Variants in RILPL1 observed in about 807,000 individuals in gnomAD.
The protein encoded by RILPL1 is Rab interacting lysosomal protein like 1, also known as RILP-like protein 1.
RILPL1 carries 33 observed loss-of-function variants against 50.3 expected under a neutral mutation model. That is an observed-to-expected ratio of 0.66 (90% CI 0.50 to 0.88). The LOEUF (loss-of-function observed/expected upper bound fraction) is 0.88. Among genes scored for constraint, RILPL1 ranks in the 40% least tolerant of loss-of-function variants. RILPL1 has a pLI of 0.00. For missense variants in RILPL1, 418 were observed against 542.5 expected, an observed-to-expected ratio of 0.77 and a Z score of 2.28; for synonymous variants, 205 against 228.6, an observed-to-expected ratio of 0.90 and a Z score of 0.93.
At position 123,476,707 on chromosome 12, in the gene RILPL1, T is replaced by A. The variant is rs1201360025; in HGVS notation, c.1068-4025A>T. On this transcript the variant is annotated intron_variant, in intron 6 of 6. Coordinates refer to ENST00000376874, the MANE Select transcript of RILPL1 (RefSeq NM_178314.5). The stretch of plus-strand genomic sequence containing the variant: ...CTCCCTTACAGTCCGAAGAAGGAGC[T>A]GACCCTGCTGACGCCTTTATCGTGG... Among the ~76,000 whole-genome samples, 6 of 152,016 alleles carry A rather than the reference T, an allele frequency of 3.9e-5. No homozygotes were observed. In the East Asian group the frequency reaches 9.6e-4, roughly 24 times the overall value.
chr12:123,511,726 TGTGTGTGTG>T (rs1304927938), intron 2 of RILPL1, among the ~76,000 whole-genome samples: 3 of 133,690 alleles, frequency 2.2e-5, no homozygotes, highest in Admixed American at 7.7e-5. Flanking sequence ...GTGTGAGGTT[TGTGTGTGTG>T]GTGTGTGTGA....
chr12:123,485,363 A>C lies in RILPL1; in HGVS notation c.974+270T>G. On this transcript the variant is annotated intron_variant, in intron 5 of 6. Transcript: ENST00000376874. The surrounding 1 kb of genome is among the most constrained non-coding windows in gnomAD (Gnocchi z 4.0). ...GAGGTCTCGCTTTGTTGCCCAGGCTAGTCTCGAATGCCTGGGATCAAGCAA... is the reference window on the plus strand; with the variant it reads ...GAGGTCTCGCTTTGTTGCCCAGGCTCGTCTCGAATGCCTGGGATCAAGCAA... 5.8e-6 allele frequency: 3 copies of C among 520,996 alleles called. No homozygotes were observed. Among genetic ancestry groups the C allele is most frequent in the Non-Finnish European group, 7.1e-6 (2 of 282,210 alleles). The allele number at this position is 520,996 out of a possible 1,614,324, so 32.3% of individuals were successfully genotyped here.
intron 2 of RILPL1, among the ~76,000 whole-genome samples, chr12:123,517,424 G>GTT (rs59944903): frequency 2.3e-4 from 30 of 131,924 alleles, no homozygotes; most frequent in South Asian, 5.0e-4. Context: ...TGTTGTTATT[G>GTT]TTTTTTTTTT....
Position 123,485,144 on chromosome 12 carries a change from T to A in RILPL1, c.974+489A>T. On this transcript the variant is annotated intron_variant, in intron 5 of 6. Transcript: ENST00000376874. The surrounding 1 kb of genome is among the most constrained non-coding windows in gnomAD (Gnocchi z 4.0). The stretch of plus-strand genomic sequence containing the variant: ...TGCACCTACTGTGTGCCAAGCTCCA[T>A]TCTAAGTGCTGGGAACTTAGCCATG... The A allele has an allele frequency of 2.2e-6, 1 of 456,298 alleles. No homozygotes were observed. Among genetic ancestry groups the A allele is most frequent in the Non-Finnish European group, 4.4e-6 (1 of 227,004 alleles). The allele number at this position is 456,298 out of a possible 1,614,324, so 28.3% of individuals were successfully genotyped here.
rs1885528383 is a variant in RILPL1 at position 123,533,554 on chromosome 12, G to A, written c.-72C>T. 24 of 1,318,734 alleles carry A rather than the reference G, an allele frequency of 1.8e-5. No individual in the cohort carries two copies. The highest frequency in any genetic ancestry group is 2.4e-5 in the Non-Finnish European group (24 of 1,013,276). 81.7% of individuals were successfully genotyped at this position (1,318,734 alleles called of 1,614,324 possible). ...CCAAACTTGCCGCTGTCGAGGGCCG[G>A]GCCGGCCGGGCCCAGCCTGGGCCGC... On this transcript the variant is annotated 5_prime_UTR_variant, in exon 1 of 7. Coordinates refer to ENST00000376874, the MANE Select transcript of RILPL1 (RefSeq NM_178314.5). This position sits in a 1 kb window ranked among gnomAD's most constrained non-coding sequence, Gnocchi z 6.2.
intron 2 of RILPL1, among the ~76,000 whole-genome samples, chr12:123,502,691 T>C (rs1039400368): frequency 2.0e-5 from 3 of 152,244 alleles, no homozygotes; most frequent in Non-Finnish European, 4.4e-5. Flanking sequence ...TAAGTTATTG[T>C]TGAATTAATG....
chr12:123,505,332 T>A (rs1302363387), intron 2 of RILPL1, among the ~76,000 whole-genome samples: 1 of 152,056 alleles, frequency 6.6e-6, no homozygotes, highest in Non-Finnish European at 1.5e-5. Context: ...GCGCCCAGCC[T>A]GTTTGTTTAG....
rs940620382 is a variant in RILPL1 at position 123,522,764 on chromosome 12, T to TA, written c.460+730dup. The stretch of plus-strand genomic sequence containing the variant: ...TGCACCACTGCACCTGGCTTATTTT[T>TA]AAAAAAATCGTTAGTAGAGACGGGG... On this transcript the variant is annotated intron_variant, in intron 2 of 6. Coordinates refer to ENST00000376874, the MANE Select transcript of RILPL1 (RefSeq NM_178314.5). The surrounding 1 kb of genome is among the most constrained non-coding windows in gnomAD (Gnocchi z 4.0). Among the ~76,000 whole-genome samples, 10 of 152,008 alleles carry TA rather than the reference T, an allele frequency of 6.6e-5. No individual in the cohort carries two copies. Among genetic ancestry groups the TA allele is most frequent in the African/African-American group, 1.9e-4 (8 of 41,392 alleles).
At chr12:123,478,440 T>C (rs1219920100) in intron 6 of RILPL1, among the ~76,000 whole-genome samples, 2 of 152,110 alleles carry the variant, frequency 1.3e-5, no homozygotes, top group African/African-American at 2.4e-5. Context: ...AAGTTTGTCT[T>C]GAATATCCTG....
intron 2 of RILPL1, among the ~76,000 whole-genome samples, chr12:123,521,630 CACACATAT>C (rs1885039555): frequency 4.1e-4 from 3 of 7,360 alleles, no homozygotes; most frequent in Admixed American, 1.9e-3. Context: ...TATATATATA[CACACATAT>C]GTGTATATAT....
At chr12:123,525,770 C>T (rs1885230078) in intron 1 of RILPL1, among the ~76,000 whole-genome samples, 1 of 151,262 alleles carries the variant, frequency 6.6e-6, no homozygotes, top group Non-Finnish European at 1.5e-5. Flanking sequence ...GTCTCAACCT[C>T]CAGGGCTCAA....
At chr12:123,479,356 A>AT (rs896029903) in intron 6 of RILPL1, among the ~76,000 whole-genome samples, 3 of 152,116 alleles carry the variant, frequency 2.0e-5, no homozygotes, top group Non-Finnish European at 4.4e-5. Context: ...GGGAAAAACC[A>AT]GTTAACAGTG....
intron 1 of RILPL1, among the ~76,000 whole-genome samples, chr12:123,528,325 C>T (rs1169694950): frequency 6.7e-6 from 1 of 148,716 alleles, no homozygotes; most frequent in Non-Finnish European, 1.5e-5. Context: ...ACGCACGGCA[C>T]GCCAGCCTGG....
At chr12:123,525,351 G>T (rs28833471) in intron 1 of RILPL1, among the ~76,000 whole-genome samples, 1 of 150,084 alleles carries the variant, frequency 6.7e-6, no homozygotes, top group African/African-American at 2.4e-5. Flanking sequence ...CCAGTAGCTG[G>T]GACTACAGGC....
At chr12:123,479,320 CTG>C (rs1881804771) in intron 6 of RILPL1, among the ~76,000 whole-genome samples, 1 of 152,056 alleles carries the variant, frequency 6.6e-6, no homozygotes, top group Non-Finnish European at 1.5e-5. Flanking sequence ...TCCTTGGCGA[CTG>C]TGAATTGCTG....
At chr12:123,481,530 A>T (rs1370734384) in intron 6 of RILPL1, among the ~76,000 whole-genome samples, 1 of 151,660 alleles carries the variant, frequency 6.6e-6, no homozygotes, top group African/African-American at 2.4e-5. Flanking sequence ...GCAAGTTGGA[A>T]CTTTTAGTTC....
chr12:123,523,449 A>G (rs1302700230), intron 2 of RILPL1, 46 bp downstream of exon 2: 1 of 1,611,894 alleles, frequency 6.2e-7, no homozygotes, highest in South Asian at 1.1e-5. Context: ...GGGCAATAAG[A>G]AAAGGAATGG....
Position 123,532,938 on chromosome 12 carries a change from C to T in RILPL1, c.309+236G>A, listed in dbSNP as rs577619299. On this transcript the variant is annotated intron_variant, in intron 1 of 6. Transcript: ENST00000376874. ...TACCTAAAGTCACACAGCTATTAAA[C>T]GGTAAAGGTGGGATTGGAACTCCAG... is the stretch of plus-strand genomic sequence containing the variant. 8.5e-5 allele frequency among the ~76,000 whole-genome samples: 13 copies of T among 152,212 alleles called. 1 individual carries two copies. The South Asian group carries it at 2.3e-3, about 27-fold the overall frequency.
chr12:123,500,511 C>T (rs1883312455), intron 2 of RILPL1, among the ~76,000 whole-genome samples: 1 of 147,712 alleles, frequency 6.8e-6, no homozygotes, highest in Non-Finnish European at 1.5e-5. Context: ...TCTCAAACTC[C>T]TGACTTCAAG....
Sources: allele counts gnomAD v4.1 joint callset (sites outside exome capture counted in the v4.1 genomes callset), GRCh38; gene constraint gnomAD v4.1.1; non-coding constraint Gnocchi (gnomAD v3.1); transcripts MANE v1.5; gene names NCBI Gene and HGNC (gene_info 2026-07-23, HGNC 2026-07-21).